The following ROBO2 variants were observed in gnomAD, a reference collection of about 807,000 sequenced individuals.
ROBO2 encodes roundabout homolog 2.
In ROBO2, 53 loss-of-function variants were observed where a neutral mutation model predicts 160.8. The ratio of observed to expected loss-of-function variants is 0.33; its 90% CI spans 0.26 to 0.41. The LOEUF is 0.41. Among genes scored for constraint, ROBO2 ranks in the 10% least tolerant of loss-of-function variants. The pLI, the probability that ROBO2 is intolerant of heterozygous loss-of-function variation, is 1.00. For missense variants in ROBO2, 1,577 were observed against 1,722.4 expected, an observed-to-expected ratio of 0.92 and a Z score of 1.49; for synonymous variants, 664 against 611.7, an observed-to-expected ratio of 1.09 and a Z score of -1.26.
intron 2 of ROBO2, among the ~76,000 whole-genome samples, chr3:77,129,975 T>C (rs1490893383): frequency 1.3e-5 from 2 of 152,192 alleles, no homozygotes; most frequent in Non-Finnish European, 2.9e-5. Context: ...GACTTCTTGT[T>C]GCATAGAATA....
chr3:77,314,813 G>C (rs1411987089), intron 2 of ROBO2, among the ~76,000 whole-genome samples: 1 of 152,202 alleles, frequency 6.6e-6, no homozygotes, highest in Non-Finnish European at 1.5e-5. Flanking sequence ...ATTCATCATA[G>C]AGCAAGGTTG....
chr3:76,627,005 T>G (rs2089692340), intron 2 of ROBO2, among the ~76,000 whole-genome samples: 1 of 152,172 alleles, frequency 6.6e-6, no homozygotes, highest in Non-Finnish European at 1.5e-5. Context: ...ATTTAGATTC[T>G]TAAGGGACAA....
chr3:77,003,801 C>T (rs758698193), intron 2 of ROBO2, among the ~76,000 whole-genome samples: 1 of 152,030 alleles, frequency 6.6e-6, no homozygotes, highest in African/African-American at 2.4e-5. Context: ...CCACCTGACT[C>T]GGCCAAGTTC....
At chr3:76,646,704 T>C (rs13086523) in intron 2 of ROBO2, among the ~76,000 whole-genome samples, 31,210 of 152,118 alleles carry the variant, frequency 0.21, 3,363 homozygotes, top group Middle Eastern at 0.23. Context: ...CTGACGTCTT[T>C]ACCTCTGCCA....
At chr3:76,300,607 C>T (rs1709305522) in intron 2 of ROBO2, among the ~76,000 whole-genome samples, 1 of 151,352 alleles carries the variant, frequency 6.6e-6, no homozygotes. Context: ...GAAATTAGTG[C>T]TTATATATGC....
intron 2 of ROBO2, among the ~76,000 whole-genome samples, chr3:76,429,676 G>A (rs985457584): frequency 6.6e-6 from 1 of 152,166 alleles, no homozygotes; most frequent in African/African-American, 2.4e-5. Context: ...TAGTAGAACT[G>A]AGTGTATCAT....
intron 2 of ROBO2, among the ~76,000 whole-genome samples, chr3:76,980,941 C>T (rs1346015510): frequency 6.6e-6 from 1 of 152,156 alleles, no homozygotes; most frequent in African/African-American, 2.4e-5. Flanking sequence ...ATAATATCAT[C>T]TTGTCCTTTA....
intron 2 of ROBO2, among the ~76,000 whole-genome samples, chr3:77,428,237 G>A (rs569642234): frequency 7.3e-5 from 11 of 150,746 alleles, no homozygotes; most frequent in East Asian, 5.8e-4. Context: ...GATTTTATTC[G>A]TTACTGAAAT....
chr3:77,013,798 CACCTTCAGTA>C (rs2062059580), intron 2 of ROBO2, among the ~76,000 whole-genome samples: 1 of 152,204 alleles, frequency 6.6e-6, no homozygotes, highest in South Asian at 2.1e-4. Flanking sequence ...TTATTCTCTG[CACCTTCAGTA>C]ACCTACAACA....
At chr3:77,488,510 T>C (rs2085660256) in intron 4 of ROBO2, among the ~76,000 whole-genome samples, 1 of 152,198 alleles carries the variant, frequency 6.6e-6, no homozygotes, top group Non-Finnish European at 1.5e-5. Context: ...TGTTATTCAA[T>C]AGTTTAAGAT....
intron 2 of ROBO2, among the ~76,000 whole-genome samples, chr3:77,342,271 T>C (rs535445022): frequency 6.6e-6 from 1 of 152,108 alleles, no homozygotes; most frequent in South Asian, 2.1e-4. Context: ...ATGTTTTCCA[T>C]TGTCAGTGTG....
intron 2 of ROBO2, among the ~76,000 whole-genome samples, chr3:76,869,349 T>TC (rs1244111671): frequency 1.3e-3 from 174 of 133,772 alleles, no homozygotes; most frequent in Non-Finnish European, 2.3e-3. Context: ...GATGTTTTTT[T>TC]TTTTTTTTTT....
rs755029760 is a variant in ROBO2 at position 77,635,074 on chromosome 3, C to T, written c.3934+31C>T. On this transcript the variant is annotated intron_variant, in intron 24 of 25. Transcript: ENST00000461745. ...TTTCTTCCCTTTACTCTTGTTTCCTCGCTGAAGAGACGTGCTCCATGCAAT... is the reference window on the plus strand; with the variant it reads ...TTTCTTCCCTTTACTCTTGTTTCCTTGCTGAAGAGACGTGCTCCATGCAAT... 3.6e-5 allele frequency: 58 copies of T among 1,608,558 alleles called. No homozygotes were observed. In the South Asian group the frequency reaches 4.6e-4, roughly 13 times the overall value.
intron 2 of ROBO2, among the ~76,000 whole-genome samples, chr3:76,970,098 G>T (rs1474224570): frequency 6.6e-6 from 1 of 152,078 alleles, no homozygotes; most frequent in East Asian, 1.9e-4. Context: ...ATGCTTTGCT[G>T]GTTTGTTCTG....
intron 2 of ROBO2, among the ~76,000 whole-genome samples, chr3:76,879,831 A>G (rs2073157446): frequency 1.3e-5 from 2 of 152,144 alleles, no homozygotes; most frequent in African/African-American, 4.8e-5. Context: ...TGTCCTGATT[A>G]ACAAAAGATG....
At chr3:77,205,059 A>T (rs1323736066) in intron 2 of ROBO2, among the ~76,000 whole-genome samples, 2 of 152,132 alleles carry the variant, frequency 1.3e-5, no homozygotes, top group African/African-American at 2.4e-5. Flanking sequence ...CTAGGAGTGG[A>T]TGCCTGGGGC....
At chr3:76,548,127 G>C (rs535374319) in intron 2 of ROBO2, among the ~76,000 whole-genome samples, 1 of 152,018 alleles carries the variant, frequency 6.6e-6, no homozygotes, top group Non-Finnish European at 1.5e-5. Context: ...ATGATGTTTG[G>C]ATATTCAGAA....
intron 2 of ROBO2, among the ~76,000 whole-genome samples, chr3:77,154,418 A>T (rs1252699776): frequency 1.3e-5 from 2 of 152,066 alleles, no homozygotes; most frequent in African/African-American, 4.8e-5. Flanking sequence ...CTTGGTGGGG[A>T]TGTAAATTAG....
chr3:77,600,569 T>G (rs1452614656), intron 19 of ROBO2, among the ~76,000 whole-genome samples: 2 of 152,142 alleles, frequency 1.3e-5, no homozygotes, highest in African/African-American at 2.4e-5. Context: ...CATCTAAAGC[T>G]TTGGAGAACT....
Sources: gnomAD v4.1 joint callset for allele counts (sites outside exome capture counted in the v4.1 genomes callset) on GRCh38, gnomAD v4.1.1 for gene constraint, MANE v1.5 for transcripts, NCBI Gene and HGNC (gene_info 2026-07-23, HGNC 2026-07-21) for gene names.